ZNF695: variants seen among roughly 807,000 people sequenced by gnomAD.
ZNF695 encodes the protein zinc finger protein SBZF3.
ZNF695 carries 11 observed loss-of-function variants against 11.2 expected under a neutral mutation model. The observed-to-expected ratio is 0.98, with a 90% CI of 0.62 to 1.62. ZNF695 has a LOEUF of 1.62. Ranked by LOEUF, ZNF695 falls within the 40% of genes most tolerant of loss-of-function variation. ZNF695 has a pLI of 0.00. For missense variants in ZNF695, 559 were observed against 590.5 expected (o/e 0.95, Z 0.55); for synonymous variants, 190 against 201.4 (o/e 0.94, Z 0.48).
chr1:246,970,702 G>A (rs1045021249), intron 4 of ZNF695, among the ~76,000 whole-genome samples: 14 of 152,242 alleles, frequency 9.2e-5, no homozygotes, highest in African/African-American at 3.4e-4. Context: ...AGCCCTTGTT[G>A]AAGACTTAGG....
At chr1:246,976,711 A>G (rs4971270) in intron 4 of ZNF695, among the ~76,000 whole-genome samples, 141,700 of 152,052 alleles carry the variant, frequency 0.93, 66,038 homozygotes, top group East Asian at 1. Context: ...GAAGAATGGC[A>G]TGAACCCGGG....
At chr1:246,998,559 T>TA (rs1420682187) in intron 3 of ZNF695, among the ~76,000 whole-genome samples, 10 of 152,178 alleles carry the variant, frequency 6.6e-5, no homozygotes, top group Admixed American at 1.3e-4. Context: ...CTCCACAGGG[T>TA]AAGTCATAAA....
At chr1:246,994,835 TCAAAAA>T (rs10567979) in intron 3 of ZNF695, among the ~76,000 whole-genome samples, 90,074 of 150,722 alleles carry the variant, frequency 0.6, 28,911 homozygotes, top group East Asian at 0.98. Flanking sequence ...AGACTCCGTC[TCAAAAA>T]CAAAAACAAA....
chr1:246,946,850 T>C (rs1028611717), intron 5 of ZNF695, among the ~76,000 whole-genome samples: 1 of 152,058 alleles, frequency 6.6e-6, no homozygotes, highest in African/African-American at 2.4e-5. Context: ...GAACATGAAA[T>C]CAAAGAGTAG....
Position 246,986,133 on chromosome 1 carries a change from G to A in ZNF695, c.*834C>T. ...TGCCCAGGCAGGAGTGAAGTTGCCAGATAGCAGCTCACTGCATCCTCAACC... is the reference window on the plus strand; with the variant it reads ...TGCCCAGGCAGGAGTGAAGTTGCCAAATAGCAGCTCACTGCATCCTCAACC... On this transcript the variant is annotated 3_prime_UTR_variant, in exon 4 of 4. Coordinates refer to ENST00000339986, the MANE Select transcript of ZNF695 (RefSeq NM_020394.5). The A allele has an allele frequency of 1.3e-6, 1 of 784,238 alleles. No individual in the cohort carries two copies. Among genetic ancestry groups the A allele is most frequent in the South Asian group, 5.8e-5 (1 of 17,178 alleles). The allele number at this position is 784,238 out of a possible 1,614,324, so 48.6% of individuals were successfully genotyped here.
intron 1 of ZNF695, among the ~76,000 whole-genome samples, chr1:247,005,214 C>T (rs1180637147): frequency 1.3e-5 from 2 of 152,142 alleles, no homozygotes; most frequent in Non-Finnish European, 2.9e-5. Context: ...ACAAAAACAG[C>T]ATGGTACTAG....
chr1:246,956,258 G>C (rs557764208), intron 5 of ZNF695, among the ~76,000 whole-genome samples: 1 of 151,264 alleles, frequency 6.6e-6, no homozygotes, highest in East Asian at 2.0e-4. Flanking sequence ...AAAGTGCTGG[G>C]ATTACAAGCA....
chr1:246,956,575 C>T (rs1480088406), intron 5 of ZNF695, among the ~76,000 whole-genome samples: 5 of 151,968 alleles, frequency 3.3e-5, no homozygotes, highest in East Asian at 3.9e-4. Flanking sequence ...GAGATTGTGC[C>T]GCTGCACTCC....
downstream of ZNF695, among the ~76,000 whole-genome samples, chr1:246,983,985 T>C (rs556140093): frequency 6.5e-4 from 98 of 151,418 alleles, no homozygotes; most frequent in African/African-American, 2.3e-3. Context: ...TAAAACCTCA[T>C]CTCTACTAAA....
At position 246,987,570 on chromosome 1, in the gene ZNF695, C is replaced by G; in HGVS notation, c.945G>C (p.Lys315Asn). 6.3e-7 allele frequency: 1 copy of G among 1,598,462 alleles called. No homozygotes were observed. The highest frequency in any genetic ancestry group is 8.5e-7 in the Non-Finnish European group (1 of 1,174,094). Residue 315 changes from lysine to asparagine, a missense_variant, in exon 4 of 4, where the codon AAG (lysine) becomes AAC (asparagine). By Grantham distance (94) the Lys-to-Asn change is moderately conservative. Coordinates refer to ENST00000339986, the MANE Select transcript of ZNF695 (RefSeq NM_020394.5). ...AGGGTTTCTCTCTACTATGAATTCT[C>G]TTGTGTTGAGTAAGGTATGGGAACA... ...FKLFPYLTQH[K>N]RIHSREKPYK...
At chr1:246,946,092 A>C (rs1281602682) in intron 5 of ZNF695, among the ~76,000 whole-genome samples, 2 of 152,086 alleles carry the variant, frequency 1.3e-5, no homozygotes, top group African/African-American at 4.8e-5. Flanking sequence ...TTTTTAGCTC[A>C]TTGTCTTTCC....
At chr1:246,954,898 G>C (rs775260994) in intron 5 of ZNF695, among the ~76,000 whole-genome samples, 2 of 152,064 alleles carry the variant, frequency 1.3e-5, no homozygotes, top group African/African-American at 2.4e-5. Context: ...ATATAGTATA[G>C]CCTACTATAC....
In ZNF695 at chr1:246,987,610, C is replaced by T. The variant is rs1403690983; in HGVS notation, c.905G>A (p.Gly302Asp). 5.6e-6 allele frequency: 9 copies of T among 1,602,132 alleles called. No homozygotes were observed. Among genetic ancestry groups the T allele is most frequent in the Non-Finnish European group, 7.7e-6 (9 of 1,175,702 alleles). Residue 302 changes from glycine to aspartate, a missense_variant, in exon 4 of 4, where the codon GGC (glycine) becomes GAC (aspartate). Coordinates refer to ENST00000339986, the MANE Select transcript of ZNF695 (RefSeq NM_020394.5). ...GEKPYKCEEC[G>D]KSFKLFPYLT... is the part of the protein sequence containing the mutation. ...GTATGGGAACAACTTAAAGGATTTG[C>T]CACATTCTTCACATTTGTATGGTTT...
intron 4 of ZNF695, among the ~76,000 whole-genome samples, chr1:246,972,000 T>G (rs1458815617): frequency 6.6e-6 from 1 of 152,162 alleles, no homozygotes; most frequent in Non-Finnish European, 1.5e-5. Flanking sequence ...CCTCCCAAAG[T>G]GCTGGGATTG....
downstream of ZNF695, among the ~76,000 whole-genome samples, chr1:246,983,882 G>C (rs1668773710): frequency 6.6e-6 from 1 of 151,738 alleles, no homozygotes; most frequent in African/African-American, 2.4e-5. Context: ...TTCCAGGCCA[G>C]GTGTGGCTCA....
intron 5 of ZNF695, among the ~76,000 whole-genome samples, chr1:246,966,486 CA>C (rs1318017624): frequency 6.6e-6 from 1 of 151,170 alleles, no homozygotes; most frequent in Non-Finnish European, 1.5e-5. Flanking sequence ...ATCCCCCCAC[CA>C]AAAAAAATTC....
Position 246,988,273 on chromosome 1 carries a change from A to G in ZNF695, c.260-18T>C. 6.6e-7 allele frequency: 1 copy of G among 1,518,594 alleles called. No homozygotes were observed. The highest frequency in any genetic ancestry group is 2.3e-5 in the East Asian group (1 of 44,058). 94.1% of individuals were successfully genotyped at this position (1,518,594 alleles called of 1,614,324 possible). A position where few individuals can be genotyped will look rare whatever the true frequency, so the allele number is the denominator to read the frequency against. ...AGACAAAACTGGAAAAAATAAAAACAACAAATTATTCCACTTACTAGATAG... is the reference window on the plus strand; with the variant it reads ...AGACAAAACTGGAAAAAATAAAAACGACAAATTATTCCACTTACTAGATAG... On this transcript the variant is annotated intron_variant, in intron 3 of 3. Coordinates refer to ENST00000339986, the MANE Select transcript of ZNF695 (RefSeq NM_020394.5).
chr1:246,974,927 C>A (rs1668520674), intron 4 of ZNF695, among the ~76,000 whole-genome samples: 1 of 152,128 alleles, frequency 6.6e-6, no homozygotes, highest in Non-Finnish European at 1.5e-5. Context: ...CTTGTCACTT[C>A]CTGTGATTGG....
chr1:246,963,868 C>T (rs76058186), intron 5 of ZNF695, among the ~76,000 whole-genome samples: 2 of 152,160 alleles, frequency 1.3e-5, no homozygotes, highest in Non-Finnish European at 2.9e-5. Context: ...ACTGCCCCTA[C>T]TTTAGATGCC....
Sources: allele counts gnomAD v4.1 joint callset (sites outside exome capture counted in the v4.1 genomes callset), GRCh38; gene constraint gnomAD v4.1.1; transcripts MANE v1.5; gene names NCBI Gene and HGNC (gene_info 2026-07-23, HGNC 2026-07-21).